Variants in RORB observed in about 807,000 individuals in gnomAD.
The protein encoded by RORB is RAR related orphan receptor B.
RORB carries 6 observed loss-of-function variants against 59.1 expected under a neutral mutation model. The observed-to-expected ratio is 0.10, with a 90% CI of 0.06 to 0.20. RORB has a LOEUF of 0.20. Ranked by LOEUF, RORB falls within the 10% of genes least tolerant of loss-of-function variation. The pLI is 1.00. For missense variants in RORB, 320 were observed against 560.5 expected (o/e 0.57, Z 4.33); for synonymous variants, 215 against 204.5 (o/e 1.05, Z -0.44).
At position 74,619,677 on chromosome 9, in the gene RORB, C is replaced by G. The variant is rs538542234; in HGVS notation, c.8-10605C>G. On this transcript the variant is annotated intron_variant, in intron 1 of 9. Coordinates refer to ENST00000376896, the MANE Select transcript of RORB (RefSeq NM_006914.4). ...ATGTTGGTCAGGCTGGTTTCATACTCCTGACCTCATGATCTGCCCACCTCA... is the reference window on the plus strand; with the variant it reads ...ATGTTGGTCAGGCTGGTTTCATACTGCTGACCTCATGATCTGCCCACCTCA... Among the ~76,000 whole-genome samples, 15 of 152,250 alleles carry G rather than the reference C, an allele frequency of 9.9e-5. No homozygotes were observed. In the South Asian group the frequency reaches 2.9e-3, roughly 29 times the overall value.
rs773394640 is a variant in RORB at position 74,689,508 on chromosome 9, C to G, written c.*3890C>G. The G allele has an allele frequency of 6.6e-6, 1 of 152,206 alleles. No homozygotes were observed. Among genetic ancestry groups the G allele is most frequent in the Non-Finnish European group, 1.5e-5 (1 of 68,054 alleles). 9.4% of individuals were successfully genotyped at this position (152,206 alleles called of 1,614,324 possible). On this transcript the variant is annotated 3_prime_UTR_variant, in exon 10 of 10. Coordinates refer to ENST00000376896, the MANE Select transcript of RORB (RefSeq NM_006914.4). ...CCTTGTTTTAGCACTGTGTTCAGGG[C>G]TCTGGACTAAAGTACCTCTGAGTAG...
chr9:74,665,542 A>G lies in RORB; in HGVS notation c.947A>G (p.Asn316Ser), dbSNP rs376576125. The G allele has an allele frequency of 5.0e-6, 8 of 1,613,404 alleles. 1 individual carries two copies. The highest frequency in any genetic ancestry group is 1.7e-4 in the Middle Eastern group (1 of 6,054). Residue 316 changes from asparagine to serine, a missense_variant, in exon 7 of 10, where the codon AAC becomes AGC. Transcript: ENST00000376896. ...RMCRAFNPLNNTVLFEGKYGG... is the reference protein window; with the variant it reads ...RMCRAFNPLNSTVLFEGKYGG... The stretch of plus-strand genomic sequence containing the variant: ...TGCCGTGCCTTCAACCCATTAAACA[A>G]CACTGTTCTGTTTGAAGGAAAATAT...
intron 1 of RORB, among the ~76,000 whole-genome samples, chr9:74,610,139 A>C (rs760774296): frequency 6.6e-5 from 10 of 152,236 alleles, no homozygotes; most frequent in Non-Finnish European, 1.3e-4. Context: ...TTCTCATGAC[A>C]ATATTGATTA....
At chr9:74,662,675 T>C in intron 6 of RORB, 69 bp downstream of exon 6, 1 of 1,526,068 alleles carries the variant, frequency 6.6e-7, no homozygotes, top group Non-Finnish European at 8.9e-7. Context: ...ACTGTGTTGG[T>C]TCTAGAAAAT....
chr9:74,618,079 T>C (rs1587387664), intron 1 of RORB, among the ~76,000 whole-genome samples: 1 of 152,138 alleles, frequency 6.6e-6, no homozygotes, highest in Non-Finnish European at 1.5e-5. Flanking sequence ...TGTAGCATCA[T>C]CTATGTTCAA....
intron 1 of RORB, among the ~76,000 whole-genome samples, chr9:74,556,339 A>C (rs1034076094): frequency 3.9e-5 from 6 of 152,166 alleles, no homozygotes; most frequent in African/African-American, 1.2e-4. Context: ...AAAGAGTGTC[A>C]TATGACACTA....
intron 1 of RORB, among the ~76,000 whole-genome samples, chr9:74,598,756 G>T (rs574925615): frequency 2.6e-5 from 4 of 152,172 alleles, no homozygotes; most frequent in African/African-American, 9.7e-5. Context: ...CACTACGACA[G>T]AATACCTGAG....
intron 9 of RORB, 93 bp from the exon 10 acceptor site, chr9:74,685,370 C>T: frequency 3.9e-6 from 4 of 1,034,294 alleles, no homozygotes; most frequent in Admixed American, 5.4e-5. Flanking sequence ...AAGCCTTTTA[C>T]CTTCATCTGG....
intron 3 of RORB, among the ~76,000 whole-genome samples, chr9:74,639,325 T>A (rs1201182693): frequency 6.6e-6 from 1 of 152,130 alleles, no homozygotes; most frequent in Non-Finnish European, 1.5e-5. Context: ...CCACAGTAAG[T>A]CACATGACCC....
In RORB at chr9:74,619,768, C is replaced by T. The variant is rs180711724; in HGVS notation, c.8-10514C>T. On this transcript the variant is annotated intron_variant, in intron 1 of 9. Transcript: ENST00000376896. ...AGCATGAAGGGCTGTTGAATTTTGT[C>T]GAAGACCTTTTCTGCATCTATTGAG... Among the ~76,000 whole-genome samples, 734 of 152,198 alleles carry T rather than the reference C, an allele frequency of 4.8e-3. 3 individuals are homozygous for T. Among genetic ancestry groups the T allele is most frequent in the African/African-American group, 0.017 (692 of 41,520 alleles).
intron 4 of RORB, among the ~76,000 whole-genome samples, chr9:74,657,108 C>T (rs1249639172): frequency 1.3e-5 from 2 of 152,162 alleles, no homozygotes; most frequent in Admixed American, 6.5e-5. Context: ...TGCAGTGGCC[C>T]GATCTCAGCT....
chr9:74,507,947 T>C (rs1036867906), intron 1 of RORB, among the ~76,000 whole-genome samples: 3 of 151,960 alleles, frequency 2.0e-5, no homozygotes, highest in African/African-American at 7.2e-5. Context: ...TTAAGGTACA[T>C]CCTTCTTGGC....
rs1825726950 is a variant in RORB at position 74,497,431 on chromosome 9, T to A, written c.-546T>A. The A allele has an allele frequency of 6.4e-6, 1 of 156,078 alleles. No individual in the cohort carries two copies. 9.7% of individuals were successfully genotyped at this position (156,078 alleles called of 1,614,324 possible). A position where few individuals can be genotyped will look rare whatever the true frequency, so the allele number is the denominator to read the frequency against. ...GATCCGCTAACAGGCACAGATGTCA[T>A]GTGAAAACGCACATGCTCTGCCATC... On this transcript the variant is annotated 5_prime_UTR_variant, in exon 1 of 10. An upstream start codon of the reference 5' UTR is lost. Transcript: ENST00000376896.
intron 3 of RORB, among the ~76,000 whole-genome samples, chr9:74,640,718 C>G (rs1345739279): frequency 1.3e-5 from 2 of 152,178 alleles, no homozygotes; most frequent in Non-Finnish European, 1.5e-5. Flanking sequence ...GAATGCGACA[C>G]TTGCATTTAC....
intron 4 of RORB, among the ~76,000 whole-genome samples, chr9:74,643,352 A>T (rs1322466844): frequency 6.6e-6 from 1 of 152,254 alleles, no homozygotes; most frequent in Non-Finnish European, 1.5e-5. Context: ...TCCATATAGG[A>T]TTCTGAATTA....
intron 1 of RORB, among the ~76,000 whole-genome samples, chr9:74,588,282 C>T (rs939309095): frequency 6.6e-6 from 1 of 152,106 alleles, no homozygotes; most frequent in Non-Finnish European, 1.5e-5. Context: ...GCTAAGCCTC[C>T]TTCTGACTCT....
intron 9 of RORB, among the ~76,000 whole-genome samples, chr9:74,673,421 A>G (rs1824382348): frequency 6.6e-6 from 1 of 152,102 alleles, no homozygotes; most frequent in East Asian, 1.9e-4. Flanking sequence ...GTCCGCTTGT[A>G]TGAAAACCAT....
At chr9:74,551,483 A>C (rs1826608355) in intron 1 of RORB, among the ~76,000 whole-genome samples, 1 of 152,242 alleles carries the variant, frequency 6.6e-6, no homozygotes, top group African/African-American at 2.4e-5. Flanking sequence ...TTCATGTCCC[A>C]GACGAGACAG....
At chr9:74,526,241 G>T (rs1254187953) in intron 1 of RORB, among the ~76,000 whole-genome samples, 1 of 151,846 alleles carries the variant, frequency 6.6e-6, no homozygotes, top group African/African-American at 2.4e-5. Flanking sequence ...CCCCCAAAAT[G>T]ATTCTTACTC....
Sources: allele counts gnomAD v4.1 joint callset (sites outside exome capture counted in the v4.1 genomes callset), GRCh38; gene constraint gnomAD v4.1.1; transcripts MANE v1.5; gene names NCBI Gene and HGNC (gene_info 2026-07-23, HGNC 2026-07-21).